Variants in MBD5 observed in about 807,000 individuals in gnomAD.
The protein encoded by MBD5 is methyl-CpG binding domain protein 5, also known as methyl-CpG-binding domain protein 5.
In MBD5, 13 loss-of-function variants were observed where a neutral mutation model predicts 117.3. That is an observed-to-expected ratio of 0.11 (90% CI 0.07 to 0.18). The LOEUF is 0.18. Ranked by LOEUF, MBD5 falls within the 10% of genes least tolerant of loss-of-function variation. MBD5 has a pLI of 1.00. For synonymous variants in MBD5, 727 were observed against 766.4 expected (o/e 0.95, Z 0.85); for missense variants, 1,879 against 2,093.8 (o/e 0.90, Z 2.00).
chr2:148,364,052 C>G lies in MBD5; in HGVS notation c.-557+21716C>G, dbSNP rs1703623376. On this transcript the variant is annotated intron_variant, in intron 4 of 13. Coordinates refer to ENST00000642680, the MANE Select transcript of MBD5 (RefSeq NM_001378120.1). ...CCAAGACACATAATCGACAGATTCG[C>G]CAAGGTTGAAATGAAGGAAAAAATA... 3.3e-5 allele frequency among the ~76,000 whole-genome samples: 5 copies of G among 151,972 alleles called. 1 individual carries two copies. In the South Asian group the frequency reaches 1.0e-3, roughly 32 times the overall value.
chr2:148,411,316 G>A (rs569997090), intron 4 of MBD5, among the ~76,000 whole-genome samples: 27 of 152,096 alleles, frequency 1.8e-4, no homozygotes, highest in East Asian at 7.7e-4. Flanking sequence ...ATATGCGTCC[G>A]TGTGTCTTTA....
intron 4 of MBD5, among the ~76,000 whole-genome samples, chr2:148,394,760 T>G (rs1473547771): frequency 6.6e-6 from 1 of 152,148 alleles, no homozygotes; most frequent in Admixed American, 6.5e-5. Flanking sequence ...TGTTTCTTTG[T>G]GCTTGCTCTG....
chr2:148,263,020 G>C (rs960938364), intron 3 of MBD5, among the ~76,000 whole-genome samples: 1 of 152,142 alleles, frequency 6.6e-6, no homozygotes, highest in Non-Finnish European at 1.5e-5. Flanking sequence ...ATTCAAAGGA[G>C]AAGGTCAGGA....
intron 3 of MBD5, among the ~76,000 whole-genome samples, chr2:148,338,233 A>T (rs537863949): frequency 2.0e-4 from 31 of 152,312 alleles, no homozygotes; most frequent in African/African-American, 7.2e-4. Flanking sequence ...ATCAATATTT[A>T]AAATTTCCCA....
chr2:148,279,698 G>T (rs1157418668), intron 3 of MBD5, among the ~76,000 whole-genome samples: 1 of 152,088 alleles, frequency 6.6e-6, no homozygotes, highest in Non-Finnish European at 1.5e-5. Flanking sequence ...CATAAAGCTG[G>T]ATTTATTTTT....
chr2:148,393,591 A>G (rs1704624389), intron 4 of MBD5, among the ~76,000 whole-genome samples: 1 of 152,196 alleles, frequency 6.6e-6, no homozygotes, highest in Non-Finnish European at 1.5e-5. Flanking sequence ...CCAACACTAT[A>G]AACCAGTGCT....
chr2:148,103,510 A>G (rs1488658625), intron 1 of MBD5, among the ~76,000 whole-genome samples: 1 of 152,172 alleles, frequency 6.6e-6, no homozygotes, highest in Non-Finnish European at 1.5e-5. Flanking sequence ...CTTTCCAGGA[A>G]GCAACGCAAC....
chr2:148,489,140 C>T (rs1354726238), intron 10 of MBD5, among the ~76,000 whole-genome samples: 2 of 152,092 alleles, frequency 1.3e-5, no homozygotes, highest in African/African-American at 2.4e-5. Context: ...GAGAATGTTT[C>T]GCAGTGATGA....
intron 1 of MBD5, among the ~76,000 whole-genome samples, chr2:148,060,281 G>A (rs952017327): frequency 5.9e-5 from 9 of 151,282 alleles, no homozygotes; most frequent in African/African-American, 2.2e-4. Context: ...TTGCACTCCA[G>A]CCTGGATGAC....
At position 148,489,374 on chromosome 2, in the gene MBD5, T is replaced by C. The variant is rs200815191; in HGVS notation, c.3754-12T>C. 1 of 1,614,120 alleles carries C rather than the reference T, an allele frequency of 6.2e-7. No homozygotes were observed. Among genetic ancestry groups the C allele is most frequent in the Non-Finnish European group, 8.5e-7 (1 of 1,180,016 alleles). On this transcript the variant is annotated splice_polypyrimidine_tract_variant and intron_variant, in intron 10 of 13. Coordinates refer to ENST00000642680, the MANE Select transcript of MBD5 (RefSeq NM_001378120.1). Reference sequence around the variant, plus strand: ...TCCCTTTCTCTCACTGCTTCCTGTCTATTTCTTCAAGGTGAGAATGCAGGA... The same window carrying C: ...TCCCTTTCTCTCACTGCTTCCTGTCCATTTCTTCAAGGTGAGAATGCAGGA...
At chr2:148,462,758 G>T in intron 6 of MBD5, 74 bp downstream of exon 6, 1 of 995,186 alleles carries the variant, frequency 1.0e-6, no homozygotes, top group Non-Finnish European at 1.6e-6. Context: ...TTCTCATTTG[G>T]AATTTTATTT....
At chr2:148,423,975 G>A (rs959280366) in intron 4 of MBD5, among the ~76,000 whole-genome samples, 4 of 151,658 alleles carry the variant, frequency 2.6e-5, no homozygotes, top group East Asian at 3.9e-4. Flanking sequence ...TCAGGAGATC[G>A]AGACCATCCT....
At chr2:148,491,919 GCAAACGAA>G (rs1681538218) in intron 11 of MBD5, among the ~76,000 whole-genome samples, 1 of 151,834 alleles carries the variant, frequency 6.6e-6, no homozygotes, top group Non-Finnish European at 1.5e-5. Context: ...CAATGTCTGT[GCAAACGAA>G]CTAAGTCTTT....
chr2:148,280,131 C>CAAAAAAAAAAAAAAAAAAAAAAAAAAAAA (rs3076398), intron 3 of MBD5, among the ~76,000 whole-genome samples: 16 of 91,878 alleles, frequency 1.7e-4, no homozygotes, highest in Admixed American at 2.5e-4. Context: ...AAACTAACTG[C>CAAAAAAAAAAAAAAAAAAAAAAAAAAAAA]AAAAAAAAAA....
At chr2:148,510,252 A>G in intron 13 of MBD5, 117 bp downstream of exon 13, 1 of 718,414 alleles carries the variant, frequency 1.4e-6, no homozygotes, top group South Asian at 1.7e-5. Flanking sequence ...CTAAATTACT[A>G]GCCTAGAAAA....
chr2:148,340,837 TACACACACACACACAC>T (rs141965837), intron 3 of MBD5, among the ~76,000 whole-genome samples: 3 of 142,460 alleles, frequency 2.1e-5, no homozygotes, highest in Non-Finnish European at 4.6e-5. Flanking sequence ...AAACCACACA[TACACACACACACACAC>T]ACACACACAC....
At chr2:148,189,508 C>G (rs1197194127) in intron 2 of MBD5, among the ~76,000 whole-genome samples, 1 of 76,578 alleles carries the variant, frequency 1.3e-5, no homozygotes, top group African/African-American at 4.7e-5. Context: ...TGACACCTCA[C>G]ACAGCAGGGT....
In MBD5 at chr2:148,328,541, T is replaced by C. The variant is rs1394586397; in HGVS notation, c.-679-13673T>C. ...GACCCAGGTGCAGGATATAATCTCC[T>C]GGTGCACCGCTTTTTAAGCCCATCG... is the stretch of plus-strand genomic sequence containing the variant. On this transcript the variant is annotated intron_variant, in intron 3 of 13. Transcript: ENST00000642680. 3.9e-5 allele frequency among the ~76,000 whole-genome samples: 6 copies of C among 152,246 alleles called. 1 individual carries two copies. Among genetic ancestry groups the C allele is most frequent in the Non-Finnish European group, 5.9e-5 (4 of 68,040 alleles).
intron 2 of MBD5, among the ~76,000 whole-genome samples, chr2:148,224,716 C>T (rs1226502726): frequency 3.3e-5 from 5 of 151,568 alleles, no homozygotes; most frequent in African/African-American, 9.7e-5. Context: ...TAATAATATT[C>T]GCTTTATAAA....
Sources: gnomAD v4.1 joint callset for allele counts (sites outside exome capture counted in the v4.1 genomes callset) on GRCh38, gnomAD v4.1.1 for gene constraint, MANE v1.5 for transcripts, NCBI Gene and HGNC (gene_info 2026-07-23, HGNC 2026-07-21) for gene names.